The following CREB5 variants were observed in gnomAD, a reference collection of about 807,000 sequenced individuals.
The protein encoded by CREB5 is cAMP responsive element binding protein 5, also known as cyclic AMP-responsive element-binding protein 5.
A neutral mutation model predicts 57.1 loss-of-function variants in CREB5; 19 were observed. That is an observed-to-expected ratio of 0.33 (90% confidence interval 0.23 to 0.49). The LOEUF (loss-of-function observed/expected upper bound fraction) is 0.49. CREB5 is among the 20% of genes least tolerant of loss of function. The pLI, the probability that CREB5 is intolerant of heterozygous loss-of-function variation, is 0.99. For missense variants in CREB5, 579 were observed against 671.6 expected, an observed-to-expected ratio of 0.86 and a Z score of 1.52; for synonymous variants, 238 against 238.3, an observed-to-expected ratio of 1.00 and a Z score of 0.01.
At chr7:28,685,843 G>A (rs1301978349) in intron 5 of CREB5, 1 of 314,630 alleles carries the variant, frequency 3.2e-6, no homozygotes, top group East Asian at 5.5e-5. Context: ...CACCACGAAG[G>A]CTCTCCGAGC....
intron 1 of CREB5, among the ~76,000 whole-genome samples, chr7:28,370,894 G>C (rs1350944278): frequency 1.3e-5 from 2 of 152,148 alleles, no homozygotes; most frequent in Non-Finnish European, 2.9e-5. Context: ...GGCAAGGAGA[G>C]GCATTTTGTG....
intron 4 of CREB5, among the ~76,000 whole-genome samples, chr7:28,548,285 T>C (rs1410058760): frequency 6.6e-6 from 1 of 152,180 alleles, no homozygotes; most frequent in African/African-American, 2.4e-5. Context: ...TCCATACCTT[T>C]TACAATTAAA....
chr7:28,535,829 T>A (rs1419805403), intron 4 of CREB5, among the ~76,000 whole-genome samples: 1 of 152,194 alleles, frequency 6.6e-6, no homozygotes, highest in Non-Finnish European at 1.5e-5. Flanking sequence ...ACTCCTTTTT[T>A]TCTCCTTGGT....
At chr7:28,370,074 T>C (rs1786676930) in intron 1 of CREB5, among the ~76,000 whole-genome samples, 1 of 152,226 alleles carries the variant, frequency 6.6e-6, no homozygotes, top group Non-Finnish European at 1.5e-5. Context: ...TACTATAATG[T>C]CTTTGCATTA....
At chr7:28,789,800 T>G (rs1229794716) in intron 7 of CREB5, among the ~76,000 whole-genome samples, 2 of 152,154 alleles carry the variant, frequency 1.3e-5, no homozygotes, top group East Asian at 3.9e-4. Flanking sequence ...GAGTCCCAGA[T>G]TTCTATCTAG....
chr7:28,493,124 C>T (rs756457198), intron 2 of CREB5, among the ~76,000 whole-genome samples: 11 of 152,202 alleles, frequency 7.2e-5, no homozygotes, highest in Admixed American at 2.6e-4. Flanking sequence ...CCTTCATTCT[C>T]ATGAATACAA....
At chr7:28,455,490 G>A (rs906448611) in intron 1 of CREB5, among the ~76,000 whole-genome samples, 3 of 152,188 alleles carry the variant, frequency 2.0e-5, no homozygotes, top group Non-Finnish European at 1.5e-5. Flanking sequence ...CTAGCTATTC[G>A]AACAAAAATG....
chr7:28,405,911 G>A (rs1361905947), intron 1 of CREB5, among the ~76,000 whole-genome samples: 2 of 152,162 alleles, frequency 1.3e-5, no homozygotes, highest in East Asian at 3.9e-4. Flanking sequence ...CACAAATGCA[G>A]AATCCTGGAC....
At chr7:28,368,398 T>C (rs1410046789) in intron 1 of CREB5, among the ~76,000 whole-genome samples, 2 of 152,118 alleles carry the variant, frequency 1.3e-5, no homozygotes, top group Admixed American at 1.3e-4. Flanking sequence ...ATAAATTAAT[T>C]AATATAGAAA....
chr7:28,803,086 A>C (rs1301151684), intron 7 of CREB5, among the ~76,000 whole-genome samples: 1 of 152,232 alleles, frequency 6.6e-6, no homozygotes, highest in East Asian at 1.9e-4. Flanking sequence ...CCCCTCCTTT[A>C]GACTCAGGTA....
At chr7:28,549,480 C>T (rs758488667) in intron 4 of CREB5, among the ~76,000 whole-genome samples, 1 of 152,130 alleles carries the variant, frequency 6.6e-6, no homozygotes, top group Non-Finnish European at 1.5e-5. Context: ...TGAAATTTCT[C>T]CTAGGGATCG....
chr7:28,671,800 G>A (rs1800051570), intron 5 of CREB5, among the ~76,000 whole-genome samples: 1 of 152,076 alleles, frequency 6.6e-6, no homozygotes, highest in Non-Finnish European at 1.5e-5. Flanking sequence ...CTGAATTTTT[G>A]TTTCCTCAAC....
At chr7:28,566,717 T>C (rs889336484) in intron 4 of CREB5, among the ~76,000 whole-genome samples, 7 of 152,188 alleles carry the variant, frequency 4.6e-5, no homozygotes, top group Non-Finnish European at 8.8e-5. Flanking sequence ...TTTGCTGGGT[T>C]GTTTATTTTT....
At chr7:28,307,241 A>G (rs966320295) in intron 1 of CREB5, among the ~76,000 whole-genome samples, 2 of 152,178 alleles carry the variant, frequency 1.3e-5, no homozygotes, top group African/African-American at 4.8e-5. Context: ...CTGAATCTTA[A>G]TACCCCTGGT....
chr7:28,509,677 A>G (rs1271756427), intron 4 of CREB5, among the ~76,000 whole-genome samples: 1 of 152,248 alleles, frequency 6.6e-6, no homozygotes, highest in Non-Finnish European at 1.5e-5. Context: ...GAAAAAGAGT[A>G]TAGATAATTA....
intron 7 of CREB5, among the ~76,000 whole-genome samples, chr7:28,778,342 C>A (rs909095169): frequency 6.6e-6 from 1 of 152,124 alleles, no homozygotes; most frequent in East Asian, 1.9e-4. Context: ...AGAAGAAGAC[C>A]AGGTAACACT....
intron 1 of CREB5, among the ~76,000 whole-genome samples, chr7:28,461,096 A>C (rs1790333088): frequency 7.0e-6 from 1 of 143,462 alleles, no homozygotes; most frequent in Non-Finnish European, 1.6e-5. Flanking sequence ...GGTGGTGCCC[A>C]CCTGTGGTCC....
chr7:28,322,415 ATTAAAT>A (rs1785509629), intron 1 of CREB5, among the ~76,000 whole-genome samples: 2 of 152,294 alleles, frequency 1.3e-5, no homozygotes, highest in African/African-American at 4.8e-5. Flanking sequence ...AATTTTTAAA[ATTAAAT>A]TTAATTTTTT....
At chr7:28,402,477 T>G (rs1201947464) in intron 1 of CREB5, among the ~76,000 whole-genome samples, 1 of 152,106 alleles carries the variant, frequency 6.6e-6, no homozygotes, top group Non-Finnish European at 1.5e-5. Context: ...AAAACAGAGA[T>G]ATAGACAAAT....
Sources: gnomAD v4.1 joint callset for allele counts (sites outside exome capture counted in the v4.1 genomes callset) on GRCh38, gnomAD v4.1.1 for gene constraint, MANE v1.5 for transcripts, NCBI Gene and HGNC (gene_info 2026-07-23, HGNC 2026-07-21) for gene names.